FREM2: variants seen among roughly 807,000 people sequenced by gnomAD.
The protein encoded by FREM2 is FRAS1 related extracellular matrix 2, also known as FRAS1-related extracellular matrix protein 2.
FREM2 carries 119 observed loss-of-function variants against 219.9 expected under a neutral mutation model. The observed-to-expected ratio is 0.54, with a 90% CI of 0.47 to 0.63. FREM2 has a LOEUF of 0.63. Among genes scored for constraint, FREM2 ranks in the 30% least tolerant of loss-of-function variants. FREM2 has a pLI of 0.00. For synonymous variants in FREM2, 1,562 were observed against 1,522.8 expected (o/e 1.03, Z -0.60); for missense variants, 4,030 against 3,993.6 (o/e 1.01, Z -0.25).
At chr13:38,709,319 C>T (rs1870667779) in intron 2 of FREM2, among the ~76,000 whole-genome samples, 1 of 152,104 alleles carries the variant, frequency 6.6e-6, no homozygotes, top group African/African-American at 2.4e-5. Context: ...CCCATAACAA[C>T]TCATATTTGG....
At chr13:38,799,195 T>G (rs1874912573) in intron 6 of FREM2, among the ~76,000 whole-genome samples, 1 of 152,030 alleles carries the variant, frequency 6.6e-6, no homozygotes, top group Non-Finnish European at 1.5e-5. Flanking sequence ...TCAAGAAATT[T>G]TTTTTCTATC....
At chr13:38,756,435 T>C (rs1230754417) in intron 2 of FREM2, among the ~76,000 whole-genome samples, 2 of 152,030 alleles carry the variant, frequency 1.3e-5, no homozygotes, top group East Asian at 1.9e-4. Context: ...ACAAAACTTA[T>C]CTAGCACACG....
At chr13:38,875,978 A>T (rs371375252) in intron 18 of FREM2, 44 bp from the exon 19 acceptor site, 7 of 1,560,648 alleles carry the variant, frequency 4.5e-6, no homozygotes, top group African/African-American at 2.7e-5. Context: ...CACTCTTTTA[A>T]TTGAACCACT....
intron 6 of FREM2, among the ~76,000 whole-genome samples, chr13:38,835,384 TGCCTCCA>T (rs1876670651): frequency 1.3e-5 from 2 of 152,244 alleles, no homozygotes; most frequent in Non-Finnish European, 2.9e-5. Context: ...GATAGTGTGA[TGCCTCCA>T]GCTTTGTTCT....
At position 38,881,334 on chromosome 13, in the gene FREM2, A is replaced by C. The variant is rs1878541883; in HGVS notation, c.*547A>C. The C allele has an allele frequency of 6.2e-6, 1 of 160,206 alleles. No individual in the cohort carries two copies. Among genetic ancestry groups the C allele is most frequent in the Non-Finnish European group, 1.4e-5 (1 of 72,322 alleles). 9.9% of individuals were successfully genotyped at this position (160,206 alleles called of 1,614,324 possible). A position where few individuals can be genotyped will look rare whatever the true frequency, so the allele number is the denominator to read the frequency against. ...GGTGGCTCAACCCACAAATCAACTG[A>C]TCTACTACTTGGGAGACAGTGGAAG... On this transcript the variant is annotated 3_prime_UTR_variant, in exon 24 of 24. Coordinates refer to ENST00000280481, the MANE Select transcript of FREM2 (RefSeq NM_207361.6).
chr13:38,790,234 T>C (rs1173916304), intron 6 of FREM2, among the ~76,000 whole-genome samples: 1 of 152,208 alleles, frequency 6.6e-6, no homozygotes. Flanking sequence ...ACACATCTCC[T>C]CTGGTATCCA....
chr13:38,802,784 C>G (rs1875068863), intron 6 of FREM2, among the ~76,000 whole-genome samples: 1 of 152,170 alleles, frequency 6.6e-6, no homozygotes, highest in Non-Finnish European at 1.5e-5. Context: ...TCTGTGCAAC[C>G]TGTAGGCATC....
chr13:38,715,908 A>C (rs955614442), intron 2 of FREM2, among the ~76,000 whole-genome samples: 12 of 152,164 alleles, frequency 7.9e-5, no homozygotes, highest in Non-Finnish European at 1.6e-4. Flanking sequence ...TATAAATGAA[A>C]ATTTGTCATA....
At chr13:38,775,827 C>T (rs1434462997) in intron 4 of FREM2, among the ~76,000 whole-genome samples, 5 of 152,162 alleles carry the variant, frequency 3.3e-5, no homozygotes, top group African/African-American at 1.2e-4. Flanking sequence ...CCATGTTGGC[C>T]AGGCTGGTCT....
chr13:38,694,817 C>G (rs1298336690), intron 1 of FREM2, among the ~76,000 whole-genome samples: 2 of 152,072 alleles, frequency 1.3e-5, no homozygotes, highest in African/African-American at 4.8e-5. Flanking sequence ...GCCCCTGTTC[C>G]CCTTAACCCA....
intron 3 of FREM2, among the ~76,000 whole-genome samples, chr13:38,766,638 C>T (rs79547326): frequency 0.012 from 1,833 of 152,176 alleles, 41 homozygotes; most frequent in African/African-American, 0.042. Flanking sequence ...AGCTAAGAAA[C>T]CATGAATTAC....
At chr13:38,823,893 A>G (rs1876169476) in intron 6 of FREM2, among the ~76,000 whole-genome samples, 1 of 152,110 alleles carries the variant, frequency 6.6e-6, no homozygotes, top group African/African-American at 2.4e-5. Flanking sequence ...TTCTTCAACG[A>G]TAAAGACAAA....
intron 11 of FREM2, among the ~76,000 whole-genome samples, chr13:38,853,139 C>T (rs1230967996): frequency 4.6e-5 from 7 of 151,726 alleles, no homozygotes; most frequent in African/African-American, 9.7e-5. Flanking sequence ...ACCAGCCTGA[C>T]CAACATGGCA....
In FREM2 at chr13:38,690,141, G is replaced by A; in HGVS notation, c.2797G>A (p.Val933Ile). ...HVVPITLRVN[V>I]RPVDDEVPIL... is the part of the protein sequence containing the mutation. ...GGTGCCCATCACTCTCAGAGTAAATGTCCGGCCAGTGGATGATGAAGTGCC... is the reference window on the plus strand; with the variant it reads ...GGTGCCCATCACTCTCAGAGTAAATATCCGGCCAGTGGATGATGAAGTGCC... The change falls in exon 1 of 24, where the codon GTC (valine) becomes ATC (isoleucine). Residue 933 changes from valine to isoleucine, a missense_variant. Val to Ile is a conservative substitution (Grantham distance 29). Coordinates refer to ENST00000280481, the MANE Select transcript of FREM2 (RefSeq NM_207361.6). The A allele has an allele frequency of 2.5e-6, 4 of 1,614,132 alleles. No homozygotes were observed. The highest frequency in any genetic ancestry group is 3.4e-6 in the Non-Finnish European group (4 of 1,180,024).
intron 4 of FREM2, among the ~76,000 whole-genome samples, chr13:38,779,683 C>T (rs1053343276): frequency 1.3e-5 from 2 of 152,184 alleles, no homozygotes; most frequent in African/African-American, 4.8e-5. Flanking sequence ...ACCTGCTCCT[C>T]TCCTCACACA....
At chr13:38,767,953 A>C (rs888589361) in intron 3 of FREM2, among the ~76,000 whole-genome samples, 3 of 152,262 alleles carry the variant, frequency 2.0e-5, no homozygotes, top group Non-Finnish European at 4.4e-5. Flanking sequence ...AGATTAAAAT[A>C]ACAGTCATTG....
rs143100970 is a variant in FREM2, at chr13:38,880,633, C to T, written c.9356C>T (p.Thr3119Met). 78 of 1,613,918 alleles carry T rather than the reference C, an allele frequency of 4.8e-5. No individual in the cohort carries two copies. The African/African-American group carries it at 6.3e-4, about 13-fold the overall frequency. The part of the protein sequence containing the change: ...VSLVTVVGGT[T>M]VGLLTICLTV... The stretch of plus-strand genomic sequence containing the variant: ...CTGGTCACTGTGGTGGGAGGCACCA[C>T]GGTAGGGTTACTCACCATCTGCCTC... The change falls in exon 24 of 24, where the codon ACG (threonine) becomes ATG (methionine). Residue 3119 changes from threonine (T) to methionine (M), a missense_variant. Physicochemically the swap from Thr to Met is moderately conservative, Grantham distance 81. This residue lies in a region of FREM2 where 928 missense variants were observed against 1,042.9 expected (regional missense o/e 0.89). Coordinates refer to ENST00000280481, the MANE Select transcript of FREM2 (RefSeq NM_207361.6).
intron 2 of FREM2, among the ~76,000 whole-genome samples, chr13:38,700,219 A>T (rs1055969619): frequency 2.6e-5 from 4 of 152,108 alleles, no homozygotes; most frequent in African/African-American, 7.2e-5. Context: ...CTCTTGTTTC[A>T]GATTTAATTG....
At chr13:38,774,621 C>T (rs1054504615) in intron 4 of FREM2, among the ~76,000 whole-genome samples, 2 of 152,156 alleles carry the variant, frequency 1.3e-5, no homozygotes, top group Admixed American at 1.3e-4. Flanking sequence ...TCTTCCCTTG[C>T]TCTTTAAAGC....
Sources: allele counts gnomAD v4.1 joint callset (sites outside exome capture counted in the v4.1 genomes callset), GRCh38; gene constraint gnomAD v4.1.1; regional missense constraint gnomAD v4.1.1; transcripts MANE v1.5; gene names NCBI Gene and HGNC (gene_info 2026-07-23, HGNC 2026-07-21).